The following EEPD1 variants were observed in gnomAD, a reference collection of about 807,000 sequenced individuals.
EEPD1 encodes endonuclease/exonuclease/phosphatase family domain-containing protein 1.
EEPD1 carries 17 observed loss-of-function variants against 46.3 expected under a neutral mutation model. The ratio of observed to expected loss-of-function variants is 0.37; its 90% CI spans 0.25 to 0.55. The LOEUF (loss-of-function observed/expected upper bound fraction) is 0.55. EEPD1 is among the 20% of genes least tolerant of loss of function. The pLI is 0.83. For synonymous variants in EEPD1, 313 were observed against 315.6 expected, an observed-to-expected ratio of 0.99 and a Z score of 0.09; for missense variants, 673 against 745.6, an observed-to-expected ratio of 0.90 and a Z score of 1.13.
At position 36,184,630 on chromosome 7, in the gene EEPD1, A is replaced by G. The variant is rs1199367421; in HGVS notation, c.878+29428A>G. Among the ~76,000 whole-genome samples, 6 of 152,254 alleles carry G rather than the reference A, an allele frequency of 3.9e-5. No homozygotes were observed. The South Asian group carries it at 8.3e-4, about 21-fold the overall frequency. ...GTCTCCTTACAGTTCTTTCGTAACT[A>G]GGCAGTAGACTGTTGATCCCCTTTT... On this transcript the variant is annotated intron_variant, in intron 2 of 7. Transcript: ENST00000242108.
intron 3 of EEPD1, among the ~76,000 whole-genome samples, chr7:36,267,200 G>A (rs1787035161): frequency 6.6e-6 from 1 of 152,186 alleles, no homozygotes; most frequent in Non-Finnish European, 1.5e-5. Flanking sequence ...TGGCCCTTCT[G>A]CAACTTGTAC....
At chr7:36,185,760 T>C (rs927838515) in intron 2 of EEPD1, among the ~76,000 whole-genome samples, 42 of 152,250 alleles carry the variant, frequency 2.8e-4, no homozygotes, top group Non-Finnish European at 7.3e-5. Flanking sequence ...CTAAGCAGGC[T>C]TAAGGTTTCG....
intron 2 of EEPD1, among the ~76,000 whole-genome samples, chr7:36,173,270 C>T (rs963364711): frequency 9.2e-5 from 13 of 141,674 alleles, no homozygotes; most frequent in Non-Finnish European, 1.3e-4. Flanking sequence ...GGGCGGATCA[C>T]GAGGTCAGGA....
chr7:36,198,606 G>A lies in EEPD1; in HGVS notation c.879-40379G>A, dbSNP rs184491658. Among the ~76,000 whole-genome samples the A allele has an allele frequency of 4.5e-3, 685 of 152,258 alleles. 9 individuals are homozygous for A. The highest frequency in any genetic ancestry group is 0.015 in the African/African-American group (639 of 41,548). ...AGCAGGGCGCTCTTTGGGGCATCACGCATGACTCAAAGCACTTCAGTGCTG... is the reference window on the plus strand; with the variant it reads ...AGCAGGGCGCTCTTTGGGGCATCACACATGACTCAAAGCACTTCAGTGCTG... On this transcript the variant is annotated intron_variant, in intron 2 of 7. Transcript: ENST00000242108.
chr7:36,246,235 A>G (rs936956216), intron 3 of EEPD1, among the ~76,000 whole-genome samples: 6 of 152,172 alleles, frequency 3.9e-5, no homozygotes, highest in African/African-American at 1.4e-4. Context: ...TGCCGCTCCC[A>G]GATCATGACT....
intron 2 of EEPD1, among the ~76,000 whole-genome samples, chr7:36,162,548 G>C (rs780882631): frequency 6.6e-6 from 1 of 152,186 alleles, no homozygotes; most frequent in African/African-American, 2.4e-5. Flanking sequence ...GGAGGCTGAT[G>C]TGGGAGGTTA....
intron 5 of EEPD1, among the ~76,000 whole-genome samples, chr7:36,285,806 CCT>C (rs1254868404): frequency 1.5e-4 from 23 of 152,308 alleles, no homozygotes; most frequent in Admixed American, 3.9e-4. Context: ...GGGAGCAGCC[CCT>C]GTGTTGAGGC....
intron 3 of EEPD1, among the ~76,000 whole-genome samples, chr7:36,267,131 C>A (rs1213468342): frequency 6.6e-6 from 1 of 152,166 alleles, no homozygotes; most frequent in Non-Finnish European, 1.5e-5. Context: ...TGCCATCCTC[C>A]CAGTCAAGCT....
intron 2 of EEPD1, among the ~76,000 whole-genome samples, chr7:36,238,547 C>G (rs577663722): frequency 1.3e-5 from 2 of 152,294 alleles, no homozygotes; most frequent in East Asian, 3.9e-4. Context: ...CAAGGTTCAT[C>G]TGTGGCGTGG....
Position 36,271,003 on chromosome 7 carries a change from T to TGAGTTGGAGTCTTGCTC in EEPD1, c.931-10112_931-10111insGAGTTGGAGTCTTGCTC, listed in dbSNP as rs1244628299. ...TATTTATTATTATTATTATTTTTTT[T>TGAGTTGGAGTCTTGCTC]TGAGTTGGAGTCTTGCTCTGTCACC... On this transcript the variant is annotated intron_variant, in intron 3 of 7. Transcript: ENST00000242108. Among the ~76,000 whole-genome samples, 614 of 152,134 alleles carry TGAGTTGGAGTCTTGCTC rather than the reference T, an allele frequency of 4.0e-3. 2 individuals are homozygous for TGAGTTGGAGTCTTGCTC. Among genetic ancestry groups the TGAGTTGGAGTCTTGCTC allele is most frequent in the African/African-American group, 0.014 (587 of 41,508 alleles).
intron 2 of EEPD1, among the ~76,000 whole-genome samples, chr7:36,178,043 A>G (rs763549714): frequency 9.9e-5 from 15 of 152,122 alleles, no homozygotes; most frequent in African/African-American, 1.7e-4. Flanking sequence ...TCAGTGTTTC[A>G]TTATTGCTTC....
intron 2 of EEPD1, among the ~76,000 whole-genome samples, chr7:36,214,690 A>C (rs1451509601): frequency 6.6e-6 from 1 of 152,196 alleles, no homozygotes; most frequent in South Asian, 2.1e-4. Context: ...TTCACTAAAC[A>C]TGGAGAACCT....
At chr7:36,284,406 C>G (rs900923866) in intron 4 of EEPD1, among the ~76,000 whole-genome samples, 1 of 152,210 alleles carries the variant, frequency 6.6e-6, no homozygotes, top group Admixed American at 6.5e-5. Context: ...GAAGATATCT[C>G]TGTGCCTAGC....
At chr7:36,165,666 T>G (rs992390723) in intron 2 of EEPD1, among the ~76,000 whole-genome samples, 3 of 151,624 alleles carry the variant, frequency 2.0e-5, no homozygotes, top group Admixed American at 2.0e-4. Context: ...CTCGATCTCT[T>G]GACCTCGTGA....
intron 2 of EEPD1, among the ~76,000 whole-genome samples, chr7:36,168,033 G>A (rs1050961074): frequency 3.9e-5 from 6 of 152,082 alleles, no homozygotes; most frequent in African/African-American, 9.7e-5. Flanking sequence ...GGTTAAGCAC[G>A]CCAGCTACGG....
intron 6 of EEPD1, among the ~76,000 whole-genome samples, chr7:36,292,132 G>A (rs990728544): frequency 6.6e-6 from 1 of 152,168 alleles, no homozygotes; most frequent in African/African-American, 2.4e-5. Context: ...CAGGAAGGGG[G>A]CCCACGCTAC....
chr7:36,177,752 C>A (rs929073509), intron 2 of EEPD1, among the ~76,000 whole-genome samples: 5 of 152,280 alleles, frequency 3.3e-5, no homozygotes, highest in African/African-American at 7.2e-5. Flanking sequence ...CTCACTCTGT[C>A]ACCCAGGCTG....
chr7:36,296,090 G>GCTA (rs931942185), intron 6 of EEPD1, among the ~76,000 whole-genome samples: 3 of 150,198 alleles, frequency 2.0e-5, no homozygotes, highest in African/African-American at 7.3e-5. Flanking sequence ...TATAGCAGTG[G>GCTA]CTACTGGGAA....
chr7:36,211,849 C>T (rs529406122), intron 2 of EEPD1, among the ~76,000 whole-genome samples: 15 of 151,280 alleles, frequency 9.9e-5, no homozygotes, highest in South Asian at 8.3e-4. Context: ...AGCTTGAACC[C>T]GGGAGGTGGA....
Sources: allele counts gnomAD v4.1 joint callset (sites outside exome capture counted in the v4.1 genomes callset), GRCh38; gene constraint gnomAD v4.1.1; transcripts MANE v1.5; gene names NCBI Gene and HGNC (gene_info 2026-07-23, HGNC 2026-07-21).